The following RERG variants were observed in gnomAD, a reference collection of about 807,000 sequenced individuals.
The protein encoded by RERG is ras-related and estrogen-regulated growth inhibitor.
Under a neutral mutation model 23.2 loss-of-function variants are expected in RERG, and 25 were observed. The ratio of observed to expected loss-of-function variants is 1.08; its 90% CI spans 0.79 to 1.50. The LOEUF (loss-of-function observed/expected upper bound fraction) is 1.50, where lower values mean the gene tolerates loss of function less well. Ranked by LOEUF, RERG falls within the 40% of genes most tolerant of loss-of-function variation. The pLI is 0.00. For synonymous variants in RERG, 81 were observed against 89.1 expected (o/e 0.91, Z 0.51); for missense variants, 253 against 250.1 (o/e 1.01, Z -0.08).
chr12:15,218,494 T>C (rs1040152549), intron 1 of RERG, among the ~76,000 whole-genome samples: 8 of 152,094 alleles, frequency 5.3e-5, no homozygotes, highest in African/African-American at 1.9e-4. Context: ...ATAACAATCA[T>C]TCCATATTCC....
At chr12:15,135,696 G>T (rs965647884) in intron 2 of RERG, among the ~76,000 whole-genome samples, 1 of 74,932 alleles carries the variant, frequency 1.3e-5, no homozygotes, top group Admixed American at 1.7e-4. Flanking sequence ...GCCTTGATTT[G>T]ATAAATTAGT....
At chr12:15,194,975 T>C (rs2136136964) in intron 2 of RERG, among the ~76,000 whole-genome samples, 1 of 152,276 alleles carries the variant, frequency 6.6e-6, no homozygotes, top group African/African-American at 2.4e-5. Context: ...ATAGTTTTTT[T>C]CCATTTGTTT....
At chr12:15,143,486 G>A (rs1344801924) in intron 2 of RERG, among the ~76,000 whole-genome samples, 2 of 152,072 alleles carry the variant, frequency 1.3e-5, no homozygotes, top group African/African-American at 4.8e-5. Flanking sequence ...ATAGATTTAA[G>A]CCATTGTATT....
chr12:15,130,736 T>G (rs748065260), intron 2 of RERG, among the ~76,000 whole-genome samples: 2 of 152,206 alleles, frequency 1.3e-5, no homozygotes, highest in Non-Finnish European at 2.9e-5. Context: ...TGCTTAAGCC[T>G]GAAAATTTTG....
At chr12:15,214,106 C>T (rs533954863) in intron 2 of RERG, among the ~76,000 whole-genome samples, 2 of 150,348 alleles carry the variant, frequency 1.3e-5, no homozygotes, top group South Asian at 2.1e-4. Context: ...CACTTGAATG[C>T]AAGTATATCT....
At chr12:15,207,211 A>C (rs147550934) in intron 2 of RERG, among the ~76,000 whole-genome samples, 33 of 152,242 alleles carry the variant, frequency 2.2e-4, no homozygotes, top group African/African-American at 7.7e-4. Context: ...AGGGTCCATT[A>C]GTTCCAAAAC....
At chr12:15,114,649 T>C (rs1383286695) in intron 3 of RERG, 1 of 152,098 alleles carries the variant, frequency 6.6e-6, no homozygotes, top group Non-Finnish European at 1.5e-5. Flanking sequence ...TACATCATTT[T>C]GAAGAGCAAT....
intron 2 of RERG, among the ~76,000 whole-genome samples, chr12:15,212,423 T>C (rs1449487330): frequency 1.3e-5 from 2 of 152,190 alleles, no homozygotes; most frequent in Non-Finnish European, 2.9e-5. Flanking sequence ...GGGCAGATTG[T>C]TTTTATGTTT....
intron 2 of RERG, among the ~76,000 whole-genome samples, chr12:15,126,753 C>T (rs1591637969): frequency 2.3e-5 from 3 of 129,956 alleles, no homozygotes; most frequent in South Asian, 2.5e-4. Flanking sequence ...GACAGAGTCT[C>T]GCTCTGTCGC....
rs573763144 is a variant in RERG, at chr12:15,177,179, G to A, written c.61+40250C>T. The stretch of plus-strand genomic sequence containing the variant: ...AAACTTGTACAATTCATGGCTGGAC[G>A]CTGTGGCTCACACCTGTAATCCTAG... On this transcript the variant is annotated intron_variant, in intron 2 of 4. Coordinates refer to ENST00000256953, the MANE Select transcript of RERG (RefSeq NM_032918.3). Among the ~76,000 whole-genome samples the A allele has an allele frequency of 3.9e-5, 6 of 152,286 alleles. No homozygotes were observed. In the South Asian group the frequency reaches 6.2e-4, roughly 16 times the overall value.
chr12:15,215,446 T>A (rs1022602515), intron 2 of RERG, among the ~76,000 whole-genome samples: 1 of 152,064 alleles, frequency 6.6e-6, no homozygotes, highest in African/African-American at 2.4e-5. Context: ...CATGGGAGCC[T>A]GGGAAGGAAG....
chr12:15,176,808 A>G (rs956956356), intron 2 of RERG, among the ~76,000 whole-genome samples: 2 of 152,340 alleles, frequency 1.3e-5, no homozygotes, highest in African/African-American at 4.8e-5. Flanking sequence ...TAGATTAACA[A>G]AAGATTTCTT....
At chr12:15,135,191 T>C (rs1369883748) in intron 2 of RERG, among the ~76,000 whole-genome samples, 1 of 152,226 alleles carries the variant, frequency 6.6e-6, no homozygotes, top group African/African-American at 2.4e-5. Flanking sequence ...CTAACATAAA[T>C]GGTAGAATGT....
At chr12:15,201,609 A>G (rs906972826) in intron 2 of RERG, among the ~76,000 whole-genome samples, 1 of 149,058 alleles carries the variant, frequency 6.7e-6, no homozygotes, top group African/African-American at 2.4e-5. Flanking sequence ...AACAATAATA[A>G]TAATTAGCTA....
At chr12:15,120,691 T>A (rs912340440) in intron 3 of RERG, among the ~76,000 whole-genome samples, 12 of 152,196 alleles carry the variant, frequency 7.9e-5, no homozygotes, top group African/African-American at 2.9e-4. Flanking sequence ...TCAGTAGTTT[T>A]ATTTTTCTGT....
intron 2 of RERG, among the ~76,000 whole-genome samples, chr12:15,151,392 C>T (rs1031824235): frequency 1.3e-5 from 2 of 152,154 alleles, no homozygotes; most frequent in African/African-American, 2.4e-5. Flanking sequence ...CCAAGTGTTT[C>T]CACGCAACAG....
chr12:15,220,022 C>T lies in RERG; in HGVS notation c.-115+1173G>A, dbSNP rs527404869. ...CACTTAAAGGAAGACACAAAACTGA[C>T]AGGAGTTCTTCAACATTTTATTTCT... On this transcript the variant is annotated intron_variant, in intron 1 of 4. Transcript: ENST00000256953. Among the ~76,000 whole-genome samples, 3 of 152,266 alleles carry T rather than the reference C, an allele frequency of 2.0e-5. No homozygotes were observed. The South Asian group carries it at 6.2e-4, about 32-fold the overall frequency.
At chr12:15,208,769 T>C (rs1357224819) in intron 2 of RERG, among the ~76,000 whole-genome samples, 1 of 150,676 alleles carries the variant, frequency 6.6e-6, no homozygotes, top group Non-Finnish European at 1.5e-5. Flanking sequence ...TACATGTTAA[T>C]TGAGAAATCT....
chr12:15,151,777 A>G (rs1232075178), intron 2 of RERG: 1 of 152,208 alleles, frequency 6.6e-6, no homozygotes, highest in East Asian at 1.9e-4. Context: ...TTAGGTTAAC[A>G]GAATTCCACT....
Sources: allele counts gnomAD v4.1 joint callset (sites outside exome capture counted in the v4.1 genomes callset), GRCh38; gene constraint gnomAD v4.1.1; transcripts MANE v1.5; gene names NCBI Gene and HGNC (gene_info 2026-07-23, HGNC 2026-07-21).